OPCML: variants seen among roughly 807,000 people sequenced by gnomAD.
The protein encoded by OPCML is opioid binding protein/cell adhesion molecule like, also known as opioid-binding protein/cell adhesion molecule.
OPCML carries 13 observed loss-of-function variants against 37.8 expected under a neutral mutation model. That is an observed-to-expected ratio of 0.34 (90% CI 0.22 to 0.55). The LOEUF is 0.55. Among genes scored for constraint, OPCML ranks in the 20% least tolerant of loss-of-function variants. The pLI is 0.91. For missense variants in OPCML, 341 were observed against 435.6 expected (o/e 0.78, Z 1.93); for synonymous variants, 176 against 168.8 (o/e 1.04, Z -0.33).
chr11:132,906,150 C>A (rs932067060), intron 2 of OPCML, among the ~76,000 whole-genome samples: 1 of 152,110 alleles, frequency 6.6e-6, no homozygotes, highest in African/African-American at 2.4e-5. Flanking sequence ...AGAATGGGGG[C>A]ACCTTTCATC....
At chr11:132,660,751 C>T (rs551519439) in intron 2 of OPCML, among the ~76,000 whole-genome samples, 1 of 152,278 alleles carries the variant, frequency 6.6e-6, no homozygotes, top group East Asian at 1.9e-4. Flanking sequence ...TAGTGCCCTG[C>T]TTTGCTTCTG....
At chr11:133,465,249 T>C (rs893771978) in intron 1 of OPCML, among the ~76,000 whole-genome samples, 2 of 152,208 alleles carry the variant, frequency 1.3e-5, no homozygotes, top group African/African-American at 2.4e-5. Context: ...CTGCTTCTGT[T>C]CACAGGTCCT....
intron 4 of OPCML, among the ~76,000 whole-genome samples, chr11:132,447,830 A>G (rs940906212): frequency 1.3e-5 from 2 of 152,196 alleles, no homozygotes; most frequent in Non-Finnish European, 2.9e-5. Context: ...GGCCGCTCCA[A>G]TGTAGGACTC....
intron 4 of OPCML, among the ~76,000 whole-genome samples, chr11:132,485,135 A>G (rs551254616): frequency 6.6e-6 from 1 of 152,088 alleles, no homozygotes; most frequent in Non-Finnish European, 1.5e-5. Flanking sequence ...TGTTCGGGAG[A>G]GCTGTCCAAA....
intron 2 of OPCML, among the ~76,000 whole-genome samples, chr11:132,750,112 A>C (rs899602424): frequency 6.6e-6 from 1 of 152,170 alleles, no homozygotes; most frequent in South Asian, 2.1e-4. Context: ...AGGTGGGCAG[A>C]TCACCTGAGG....
chr11:132,492,694 T>G (rs1167230673), intron 4 of OPCML, among the ~76,000 whole-genome samples: 1 of 152,124 alleles, frequency 6.6e-6, no homozygotes, highest in African/African-American at 2.4e-5. Context: ...AGGAGAGGTT[T>G]GAGCATCATC....
chr11:132,632,815 C>T (rs1055726513), intron 3 of OPCML, among the ~76,000 whole-genome samples: 2 of 152,152 alleles, frequency 1.3e-5, no homozygotes, highest in Non-Finnish European at 2.9e-5. Flanking sequence ...GCTGCTGCTC[C>T]ACTCTGGACT....
intron 3 of OPCML, among the ~76,000 whole-genome samples, chr11:132,539,016 A>C (rs2096348463): frequency 6.6e-6 from 1 of 152,334 alleles, no homozygotes; most frequent in Admixed American, 6.5e-5. Flanking sequence ...ATGACAACAT[A>C]TGTATAACGA....
rs1215239093 is a variant in OPCML, at chr11:133,337,649, A to T, written c.61+194615T>A. ...TCATATCTATCAATTCTCACTCCTT[A>T]CCTCACCAGGGCACTTTTACAGCAG... On this transcript the variant is annotated intron_variant, in intron 1 of 7. Coordinates refer to ENST00000524381, the MANE Select transcript of OPCML (RefSeq NM_001012393.5). Among the ~76,000 whole-genome samples, 3 of 152,106 alleles carry T rather than the reference A, an allele frequency of 2.0e-5. No individual in the cohort carries two copies. The East Asian group carries it at 5.8e-4, about 29-fold the overall frequency.
intron 1 of OPCML, among the ~76,000 whole-genome samples, chr11:133,231,582 C>T (rs1333763696): frequency 6.6e-6 from 1 of 152,166 alleles, no homozygotes; most frequent in Non-Finnish European, 1.5e-5. Context: ...CAGCACCTAG[C>T]TCAGTGTTAA....
chr11:133,309,423 C>T (rs1943015217), intron 1 of OPCML, among the ~76,000 whole-genome samples: 2 of 152,148 alleles, frequency 1.3e-5, no homozygotes, highest in African/African-American at 4.8e-5. Context: ...TGAACCAGTA[C>T]TCTGAAAGTG....
intron 4 of OPCML, among the ~76,000 whole-genome samples, chr11:132,476,837 T>C (rs2096157903): frequency 6.6e-6 from 1 of 151,978 alleles, no homozygotes; most frequent in African/African-American, 2.4e-5. Context: ...ATTTAAAGTA[T>C]AATAATAAAA....
Position 132,436,655 on chromosome 11 carries a change from G to A in OPCML, c.764+4C>T, listed in dbSNP as rs764942523. 1.2e-6 allele frequency: 2 copies of A among 1,614,122 alleles called. No homozygotes were observed. Among genetic ancestry groups the A allele is most frequent in the South Asian group, 2.2e-5 (2 of 91,084 alleles). ...GAACTGTCCAGGTGTCATTTAAAAG[G>A]TACCTGGTTTCTTCCTTGAACCACT... On this transcript the variant is annotated splice_donor_region_variant and intron_variant, in intron 6 of 7. Coordinates refer to ENST00000524381, the MANE Select transcript of OPCML (RefSeq NM_001012393.5).
intron 2 of OPCML, among the ~76,000 whole-genome samples, chr11:132,795,835 G>T (rs1442548468): frequency 6.6e-6 from 1 of 152,200 alleles, no homozygotes; most frequent in African/African-American, 2.4e-5. Flanking sequence ...AACTGACTTA[G>T]CCCAGGTCTG....
rs141970500 is a variant in OPCML at position 133,189,967 on chromosome 11, T to G, written c.62-246957A>C. ...CAGATTCCACACAGATGCTTCATCC[T>G]TCCCTGGCGGGACCTGGTTACGTTT... is the stretch of plus-strand genomic sequence containing the variant. On this transcript the variant is annotated intron_variant, in intron 1 of 7. Transcript: ENST00000524381. Among the ~76,000 whole-genome samples the G allele has an allele frequency of 2.3e-3, 344 of 152,374 alleles. 5 individuals carry two copies. The highest frequency in any genetic ancestry group is 7.9e-3 in the African/African-American group (327 of 41,584).
chr11:132,730,404 C>T (rs533094069), intron 2 of OPCML, among the ~76,000 whole-genome samples: 102 of 152,162 alleles, frequency 6.7e-4, no homozygotes, highest in South Asian at 2.3e-3. Context: ...GCATAATTGG[C>T]TAAAATAATC....
chr11:132,852,014 T>C lies in OPCML; in HGVS notation c.146+90912A>G, dbSNP rs558681135. On this transcript the variant is annotated intron_variant, in intron 2 of 7. Coordinates refer to ENST00000524381, the MANE Select transcript of OPCML (RefSeq NM_001012393.5). ...GCATTCTGACCTTCCCTTTTCTTCC[T>C]GGAAGCAGGAGCTGTAACTCCCAGG... Among the ~76,000 whole-genome samples the C allele has an allele frequency of 3.3e-5, 5 of 152,314 alleles. No individual in the cohort carries two copies. In the South Asian group the frequency reaches 1.0e-3, roughly 32 times the overall value.
chr11:133,507,863 C>T (rs1166604475), intron 1 of OPCML, among the ~76,000 whole-genome samples: 5 of 151,462 alleles, frequency 3.3e-5, no homozygotes. Flanking sequence ...AGAAGAATCA[C>T]TTTAACCCGG....
chr11:133,221,476 A>C (rs1281679790), intron 1 of OPCML, among the ~76,000 whole-genome samples: 1 of 152,170 alleles, frequency 6.6e-6, no homozygotes, highest in Non-Finnish European at 1.5e-5. Flanking sequence ...TGTCAATTTG[A>C]TAGCACTTAT....
Sources: allele counts gnomAD v4.1 joint callset (sites outside exome capture counted in the v4.1 genomes callset), GRCh38; gene constraint gnomAD v4.1.1; transcripts MANE v1.5; gene names NCBI Gene and HGNC (gene_info 2026-07-23, HGNC 2026-07-21).